The following FOXF2 variants were observed in gnomAD, a reference collection of about 807,000 sequenced individuals.
FOXF2 encodes forkhead box protein F2.
Under a neutral mutation model 29.1 loss-of-function variants are expected in FOXF2, and 15 were observed. The observed-to-expected ratio is 0.52, with a 90% CI of 0.35 to 0.79. The LOEUF is 0.79. Ranked by LOEUF, FOXF2 falls within the 30% of genes least tolerant of loss-of-function variation. The pLI is 0.01. For synonymous variants in FOXF2, 337 were observed against 316.5 expected (o/e 1.06, Z -0.69); for missense variants, 675 against 667.1 (o/e 1.01, Z -0.13).
chr6:1,391,789 G>A (rs1309423500), intron 1 of FOXF2, among the ~76,000 whole-genome samples: 1 of 152,092 alleles, frequency 6.6e-6, no homozygotes, highest in African/African-American at 2.4e-5. Flanking sequence ...TGGGTGGCAG[G>A]ACCTGAAGGA....
At chr6:1,392,987 C>A (rs1351604704) in intron 1 of FOXF2, among the ~76,000 whole-genome samples, 1 of 152,232 alleles carries the variant, frequency 6.6e-6, no homozygotes, top group African/African-American at 2.4e-5. Context: ...CTGTTGCCAT[C>A]TCCCTGGAGC....
intron 1 of FOXF2, among the ~76,000 whole-genome samples, chr6:1,394,462 C>A (rs1460577101): frequency 1.3e-5 from 2 of 152,190 alleles, no homozygotes; most frequent in African/African-American, 2.4e-5. Flanking sequence ...CGAGGGGGAA[C>A]TTGCTCTGTG....
rs1758900321 is a variant in FOXF2, at chr6:1,395,264, CA to C, written c.*407del. The C allele has an allele frequency of 9.8e-6, 2 of 203,220 alleles. No individual in the cohort carries two copies. The highest frequency in any genetic ancestry group is 2.1e-4 in the South Asian group (2 of 9,562). 12.6% of individuals were successfully genotyped at this position (203,220 alleles called of 1,614,324 possible). A position where few individuals can be genotyped will look rare whatever the true frequency, so the allele number is the denominator to read the frequency against. On this transcript the variant is annotated 3_prime_UTR_variant, in exon 2 of 2. Transcript: ENST00000645481. The stretch of plus-strand genomic sequence containing the variant: ...CTTTTCAAAAAGGCAGTGCTAAGCA[CA>C]AGATTTCAAGAAAGCCTCTTCTTGT...
chr6:1,394,200 C>T (rs1056020072), intron 1 of FOXF2, among the ~76,000 whole-genome samples: 4 of 152,198 alleles, frequency 2.6e-5, no homozygotes, highest in African/African-American at 9.7e-5. Flanking sequence ...CCTCTGCGCT[C>T]GCTGCTGTGA....
Position 1,390,056 on chromosome 6 carries a change from GCCGCCGCCGCCGCCC to G in FOXF2, c.111_125del (p.Ala38_Pro42del). 1 of 1,382,330 alleles carries G rather than the reference GCCGCCGCCGCCGCCC, an allele frequency of 7.2e-7. No individual in the cohort carries two copies. The highest frequency in any genetic ancestry group is 9.4e-7 in the Non-Finnish European group (1 of 1,063,276). 85.6% of individuals were successfully genotyped at this position (1,382,330 alleles called of 1,614,324 possible). On this transcript the variant is annotated inframe_deletion, in exon 1 of 2. Coordinates refer to ENST00000645481, the MANE Select transcript of FOXF2 (RefSeq NM_001452.2). The surrounding 1 kb of genome is among the most constrained non-coding windows in gnomAD (Gnocchi z 8.5). The stretch of plus-strand genomic sequence containing the variant: ...GAGCCCGCCGCCCGCCGCCGCCGCC[GCCGCCGCCGCCGCCC>G]CGGAGACCACCTCCTCCTCCTCGTC...
chr6:1,393,912 G>T (rs542398781), intron 1 of FOXF2, among the ~76,000 whole-genome samples: 1 of 152,324 alleles, frequency 6.6e-6, no homozygotes, highest in South Asian at 2.1e-4. Context: ...CCCGGTGCAG[G>T]CCGGGGACCG....
At position 1,390,403 on chromosome 6, in the gene FOXF2, C is replaced by T; in HGVS notation, c.456C>T (p.Leu152=). ...QGWKNSVRHN[L]SLNECFIKLP... is the part of the protein sequence containing the mutation. ...GGAAGAACTCGGTGCGCCACAATCT[C>T]TCGCTCAACGAGTGCTTCATCAAGC... The change falls in exon 1 of 2, where the codon CTC becomes CTT. Residue 152 remains leucine (L), a synonymous_variant. Coordinates refer to ENST00000645481, the MANE Select transcript of FOXF2 (RefSeq NM_001452.2). The surrounding 1 kb of genome is among the most constrained non-coding windows in gnomAD (Gnocchi z 8.5). The T allele has an allele frequency of 1.2e-6, 2 of 1,611,966 alleles. No homozygotes were observed. The highest frequency in any genetic ancestry group is 8.5e-7 in the Non-Finnish European group (1 of 1,179,946).
Position 1,390,394 on chromosome 6 carries a change from C to T in FOXF2, c.447C>T (p.Arg149=), listed in dbSNP as rs1407972713. Residue 149 remains arginine (R), a synonymous_variant, in exon 1 of 2, where the codon CGC becomes CGT. Coordinates refer to ENST00000645481, the MANE Select transcript of FOXF2 (RefSeq NM_001452.2). The surrounding 1 kb of genome is among the most constrained non-coding windows in gnomAD (Gnocchi z 8.5). ...GAYQGWKNSV[R]HNLSLNECFI... ...ACCAGGGCTGGAAGAACTCGGTGCGCCACAATCTCTCGCTCAACGAGTGCT... is the reference window on the plus strand; with the variant it reads ...ACCAGGGCTGGAAGAACTCGGTGCGTCACAATCTCTCGCTCAACGAGTGCT... 1.9e-6 allele frequency: 3 copies of T among 1,612,036 alleles called. No individual in the cohort carries two copies. The highest frequency in any genetic ancestry group is 1.1e-5 in the South Asian group (1 of 91,090).
chr6:1,392,476 A>ACACACACACAC (rs57146251), intron 1 of FOXF2, among the ~76,000 whole-genome samples: 1 of 139,884 alleles, frequency 7.1e-6, no homozygotes, highest in Non-Finnish European at 1.6e-5. Flanking sequence ...ACACACACAC[A>ACACACACACAC]CCCCTCGGTG....
rs1236714850 is a variant in FOXF2 at position 1,394,939 on chromosome 6, T to C, written c.*80T>C. On this transcript the variant is annotated 3_prime_UTR_variant, in exon 2 of 2. Coordinates refer to ENST00000645481, the MANE Select transcript of FOXF2 (RefSeq NM_001452.2). ...AGATAGAAACTGGGACGGATTCAAGTCACATGCACGCGGATAGCAGTAAGC... is the reference window on the plus strand; with the variant it reads ...AGATAGAAACTGGGACGGATTCAAGCCACATGCACGCGGATAGCAGTAAGC... 7.0e-7 allele frequency: 1 copy of C among 1,429,796 alleles called. No individual in the cohort carries two copies. The highest frequency in any genetic ancestry group is 9.8e-7 in the Non-Finnish European group (1 of 1,016,378). 88.6% of individuals were successfully genotyped at this position (1,429,796 alleles called of 1,614,324 possible).
Position 1,390,120 on chromosome 6 carries a change from C to G in FOXF2, c.173C>G (p.Ser58Trp), listed in dbSNP as rs1554124080. ...TCGTCGTCCTCCGCCTCCTGCGCCT[C>G]GTCCTCGTCCTCCTCCAATTCGGCC... ...SSSSSSASCA[S>W]SSSSSNSASA... The change falls in exon 1 of 2, where the codon TCG becomes TGG. Residue 58 changes from serine (S) to tryptophan (W), a missense_variant. By Grantham distance (177) the Ser-to-Trp change is radical (BLOSUM62 -3). Coordinates refer to ENST00000645481, the MANE Select transcript of FOXF2 (RefSeq NM_001452.2). The surrounding 1 kb of genome is among the most constrained non-coding windows in gnomAD (Gnocchi z 8.5). 1.4e-6 allele frequency: 2 copies of G among 1,432,786 alleles called. No individual in the cohort carries two copies. Among genetic ancestry groups the G allele is most frequent in the Non-Finnish European group, 1.9e-6 (2 of 1,076,730 alleles). 88.8% of individuals were successfully genotyped at this position (1,432,786 alleles called of 1,614,324 possible).
chr6:1,390,322 G>A lies in FOXF2; in HGVS notation c.375G>A (p.Glu125=), dbSNP rs200419233. Residue 125 remains glutamate (E), a synonymous_variant, in exon 1 of 2, where the codon GAG becomes GAA. Coordinates refer to ENST00000645481, the MANE Select transcript of FOXF2 (RefSeq NM_001452.2). The surrounding 1 kb of genome is among the most constrained non-coding windows in gnomAD (Gnocchi z 8.5). The part of the protein sequence containing the change: ...SSPSKRLTLS[E]IYQFLQARFP... ...CCAGCAAGCGCCTGACGCTCAGCGA[G>A]ATCTACCAGTTCCTGCAGGCGCGCT... The A allele has an allele frequency of 1.7e-5, 28 of 1,613,374 alleles. No individual in the cohort carries two copies. The highest frequency in any genetic ancestry group is 6.7e-5 in the East Asian group (3 of 44,842).
rs1163121584 is a variant in FOXF2 at position 1,390,065 on chromosome 6, G to C, written c.118G>C (p.Ala40Pro). Reference protein sequence around the residue: ...PPPAAAAAAAAAPETTSSSSS... With the variant: ...PPPAAAAAAAPAPETTSSSSS... ...GCCCGCCGCCGCCGCCGCCGCCGCC[G>C]CCGCCCCGGAGACCACCTCCTCCTC... is the stretch of plus-strand genomic sequence containing the variant. Residue 40 changes from alanine to proline, a missense_variant, in exon 1 of 2, where the codon GCC (alanine) becomes CCC (proline). Ala to Pro is a conservative substitution (Grantham distance 27). This residue lies in a region of FOXF2 where 220 missense variants were observed against 205.5 expected (regional missense o/e 1.07). Transcript: ENST00000645481. This position sits in a 1 kb window ranked among gnomAD's most constrained non-coding sequence, Gnocchi z 8.5. The C allele has an allele frequency of 7.2e-7, 1 of 1,389,430 alleles. No homozygotes were observed. Among genetic ancestry groups the C allele is most frequent in the Non-Finnish European group, 9.4e-7 (1 of 1,065,172 alleles). The allele number at this position is 1,389,430 out of a possible 1,614,324, so 86.1% of individuals were successfully genotyped here.
rs1054948431 is a variant in FOXF2, at chr6:1,389,866, C to T, written c.-82C>T. 1.8e-5 allele frequency: 7 copies of T among 380,766 alleles called. No homozygotes were observed. Among genetic ancestry groups the T allele is most frequent in the African/African-American group, 1.3e-4 (6 of 45,060 alleles). The allele number at this position is 380,766 out of a possible 1,614,324, so 23.6% of individuals were successfully genotyped here. A position where few individuals can be genotyped will look rare whatever the true frequency, so the allele number is the denominator to read the frequency against. On this transcript the variant is annotated 5_prime_UTR_variant, in exon 1 of 2. Coordinates refer to ENST00000645481, the MANE Select transcript of FOXF2 (RefSeq NM_001452.2). ...GCGGCGGGCTAGGGCGCTCGCAGGGCTTCTGGGCCGACCCCGCTCCGGCGC... is the reference window on the plus strand; with the variant it reads ...GCGGCGGGCTAGGGCGCTCGCAGGGTTTCTGGGCCGACCCCGCTCCGGCGC...
chr6:1,391,119 GTAACGCAGCACGC>G lies in FOXF2; in HGVS notation c.1171+3_1171+15del. The G allele has an allele frequency of 6.2e-7, 1 of 1,600,918 alleles. No homozygotes were observed. The highest frequency in any genetic ancestry group is 8.5e-7 in the Non-Finnish European group (1 of 1,179,780). ...CAGAACGCTCGCGAGGACCTCTCAG[GTAACGCAGCACGC>G]TCCAGCCCAGCCAGCTGGGCGCACC... On this transcript the variant is annotated splice_donor_variant and splice_donor_5th_base_variant and intron_variant, in intron 1 of 1. Coordinates refer to ENST00000645481, the MANE Select transcript of FOXF2 (RefSeq NM_001452.2). LOFTEE classifies it high-confidence loss of function.
In FOXF2 at chr6:1,390,658, C is replaced by T. The variant is rs751890535; in HGVS notation, c.711C>T (p.Cys237=). ...FQAPPSAPLG[C]HSQGGYGGLD... is the part of the protein sequence containing the mutation. Reference sequence around the variant, plus strand: ...CGCCCCCGTCGGCGCCGCTCGGCTGCCACAGCCAGGGCGGCTACGGCGGCC... The same window carrying T: ...CGCCCCCGTCGGCGCCGCTCGGCTGTCACAGCCAGGGCGGCTACGGCGGCC... The change falls in exon 1 of 2, where the codon TGC becomes TGT. Residue 237 remains cysteine, a synonymous_variant. Coordinates refer to ENST00000645481, the MANE Select transcript of FOXF2 (RefSeq NM_001452.2). This position sits in a 1 kb window ranked among gnomAD's most constrained non-coding sequence, Gnocchi z 8.5. 5 of 1,564,000 alleles carry T rather than the reference C, an allele frequency of 3.2e-6. No homozygotes were observed. The highest frequency in any genetic ancestry group is 4.3e-6 in the Non-Finnish European group (5 of 1,163,858).
chr6:1,391,022 A>G lies in FOXF2; in HGVS notation c.1075A>G (p.Ser359Gly). 1 of 1,599,190 alleles carries G rather than the reference A, an allele frequency of 6.3e-7. No homozygotes were observed. The highest frequency in any genetic ancestry group is 1.3e-5 in the African/African-American group (1 of 74,962). The change falls in exon 1 of 2, where the codon AGC becomes GGC. Residue 359 changes from serine (S) to glycine (G), a missense_variant. Physicochemically the swap from Ser to Gly is moderately conservative, Grantham distance 56. Transcript: ENST00000645481. ...GCAGCCGCCTGCCCTGACGCCCAGC[A>G]GCAACCCCGCCGCCTCGGCAGGCCT... is the stretch of plus-strand genomic sequence containing the variant. ...LKQPPALTPS[S>G]NPAASAGLHS...
rs377282345 is a variant in FOXF2, at chr6:1,394,801, C to G, written c.1277C>G (p.Ser426Trp). 6.2e-7 allele frequency: 1 copy of G among 1,613,934 alleles called. No homozygotes were observed. The highest frequency in any genetic ancestry group is 1.7e-5 in the Admixed American group (1 of 60,000). The change falls in exon 2 of 2, where the codon TCG becomes TGG. Residue 426 changes from serine to tryptophan, a missense_variant. Ser to Trp is a radical substitution (Grantham distance 177, BLOSUM62 -3). Around this residue, in one of 3 missense-constraint regions of FOXF2, gnomAD observed 451 missense variants for 437.2 expected, o/e 1.03. Transcript: ENST00000645481. The part of the protein sequence containing the change: ...ISSFHPSASG[S>W]YYHHHHQSVC... ...TCTTTCCATCCCTCAGCTAGCGGGT[C>G]GTATTATCACCATCACCACCAGAGC...
chr6:1,390,115 C>T lies in FOXF2; in HGVS notation c.168C>T (p.Cys56=), dbSNP rs1205094843. The change falls in exon 1 of 2, where the codon TGC becomes TGT. Residue 56 remains cysteine, a synonymous_variant. Coordinates refer to ENST00000645481, the MANE Select transcript of FOXF2 (RefSeq NM_001452.2). This position sits in a 1 kb window ranked among gnomAD's most constrained non-coding sequence, Gnocchi z 8.5. ...CCTCGTCGTCGTCCTCCGCCTCCTG[C>T]GCCTCGTCCTCGTCCTCCTCCAATT... ...SSSSSSSSAS[C]ASSSSSSNSA... 1.4e-6 allele frequency: 2 copies of T among 1,433,958 alleles called. No homozygotes were observed. Among genetic ancestry groups the T allele is most frequent in the South Asian group, 2.7e-5 (2 of 74,776 alleles). 88.8% of individuals were successfully genotyped at this position (1,433,958 alleles called of 1,614,324 possible).
Sources: allele counts gnomAD v4.1 joint callset (sites outside exome capture counted in the v4.1 genomes callset), GRCh38; gene constraint gnomAD v4.1.1; regional missense constraint gnomAD v4.1.1; non-coding constraint Gnocchi (gnomAD v3.1); transcripts MANE v1.5; gene names NCBI Gene and HGNC (gene_info 2026-07-23, HGNC 2026-07-21).